The following LRRC38 variants were observed in gnomAD, a reference collection of about 807,000 sequenced individuals.
LRRC38 encodes the protein leucine rich repeat containing 38, also known as leucine-rich repeat-containing protein 38.
Under a neutral mutation model 16.4 loss-of-function variants are expected in LRRC38, and 5 were observed. The observed-to-expected ratio is 0.31, with a 90% CI of 0.16 to 0.64. The LOEUF is 0.64. Among genes scored for constraint, LRRC38 ranks in the 30% least tolerant of loss-of-function variants. The pLI is 0.80. For synonymous variants in LRRC38, 191 were observed against 190.2 expected (o/e 1.00, Z -0.04); for missense variants, 341 against 401.8 (o/e 0.85, Z 1.29).
intron 1 of LRRC38, among the ~76,000 whole-genome samples, chr1:13,500,254 CAA>C (rs33912498): frequency 0.69 from 93,531 of 136,284 alleles, 31,093 homozygotes; most frequent in Middle Eastern, 0.8. Flanking sequence ...GACTCTGTCT[CAA>C]AAAAAAAAAA....
intron 1 of LRRC38, among the ~76,000 whole-genome samples, chr1:13,504,471 G>A (rs547639314): frequency 8.6e-5 from 13 of 151,906 alleles, no homozygotes; most frequent in East Asian, 3.9e-4. Context: ...CTGTAATCCC[G>A]GCACTTTGGG....
chr1:13,498,356 G>A (rs1639107889), intron 1 of LRRC38, among the ~76,000 whole-genome samples: 1 of 152,216 alleles, frequency 6.6e-6, no homozygotes, highest in Non-Finnish European at 1.5e-5. Flanking sequence ...GAGAGGCCAG[G>A]CACAGTGGCT....
chr1:13,501,713 C>T (rs1305918458), intron 1 of LRRC38, among the ~76,000 whole-genome samples: 2 of 150,036 alleles, frequency 1.3e-5, no homozygotes, highest in East Asian at 3.9e-4. Flanking sequence ...CCTGCCTCAG[C>T]CTCCCTAGCA....
chr1:13,513,215 C>G lies in LRRC38; in HGVS notation c.379G>C (p.Ala127Pro), dbSNP rs894243359. The change falls in exon 1 of 2, where the codon GCC becomes CCC. Residue 127 changes from alanine (A) to proline (P), a missense_variant. Transcript: ENST00000376085. ...TQLGAGAFRS[A>P]GRLVKLSLAN... ...AGGCTAAGCTTCACCAGCCTCCCGG[C>G]CGAGCGGAAGGCGCCGGCGCCCAGC... 6.5e-7 allele frequency: 1 copy of G among 1,550,358 alleles called. No homozygotes were observed. The highest frequency in any genetic ancestry group is 1.4e-5 in the African/African-American group (1 of 73,030).
intron 1 of LRRC38, among the ~76,000 whole-genome samples, chr1:13,479,964 C>T (rs912452304): frequency 2.0e-5 from 3 of 152,170 alleles, no homozygotes; most frequent in East Asian, 1.9e-4. Context: ...ACATAGGGGC[C>T]GTCCTGTGTC....
At chr1:13,490,700 C>A (rs911090411) in intron 1 of LRRC38, among the ~76,000 whole-genome samples, 8 of 151,964 alleles carry the variant, frequency 5.3e-5, no homozygotes, top group Admixed American at 3.3e-4. Flanking sequence ...TTAGAGAGAA[C>A]CTTCTGGTTA....
chr1:13,492,961 A>G (rs1639034950), intron 1 of LRRC38, among the ~76,000 whole-genome samples: 1 of 152,004 alleles, frequency 6.6e-6, no homozygotes, highest in South Asian at 2.1e-4. Context: ...CGCTCTTGGG[A>G]GTTCCCTGGG....
chr1:13,485,348 C>T (rs982248421), intron 1 of LRRC38, among the ~76,000 whole-genome samples: 15 of 150,334 alleles, frequency 1.0e-4, no homozygotes, highest in Admixed American at 4.6e-4. Context: ...GAGGCCGAGG[C>T]GGACAGATCA....
At chr1:13,482,868 C>A (rs1638886764) in intron 1 of LRRC38, among the ~76,000 whole-genome samples, 1 of 152,190 alleles carries the variant, frequency 6.6e-6, no homozygotes, top group Non-Finnish European at 1.5e-5. Context: ...AACATACTAG[C>A]CTTGTTTATT....
chr1:13,496,867 G>A lies in LRRC38; in HGVS notation c.631+16096C>T, dbSNP rs948182374. Among the ~76,000 whole-genome samples, 3 of 152,180 alleles carry A rather than the reference G, an allele frequency of 2.0e-5. No individual in the cohort carries two copies. In the East Asian group the frequency reaches 5.8e-4, roughly 29 times the overall value. On this transcript the variant is annotated intron_variant, in intron 1 of 1. Coordinates refer to ENST00000376085, the MANE Select transcript of LRRC38 (RefSeq NM_001010847.2). ...GAAGGAGAGCCAGAGGTGGTGGGGTGCAGGGTTCAATGGGGCTGCGGCCCA... is the reference window on the plus strand; with the variant it reads ...GAAGGAGAGCCAGAGGTGGTGGGGTACAGGGTTCAATGGGGCTGCGGCCCA...
chr1:13,481,811 CT>C (rs1638873440), intron 1 of LRRC38, among the ~76,000 whole-genome samples: 3 of 141,012 alleles, frequency 2.1e-5, no homozygotes, highest in Non-Finnish European at 4.7e-5. Context: ...CTCTCTCTCT[CT>C]CTCTCTCTCT....
rs371660514 is a variant in LRRC38, at chr1:13,498,296, A to G, written c.631+14667T>C. Among the ~76,000 whole-genome samples, 8 of 152,138 alleles carry G rather than the reference A, an allele frequency of 5.3e-5. No individual in the cohort carries two copies. The East Asian group carries it at 7.7e-4, about 15-fold the overall frequency. On this transcript the variant is annotated intron_variant, in intron 1 of 1. Coordinates refer to ENST00000376085, the MANE Select transcript of LRRC38 (RefSeq NM_001010847.2). Reference sequence around the variant, plus strand: ...TGTGTTTTAGCGCTTATTTCCCCACACGCAAACCAAGGAAAGCAATGTATT... The same window carrying G: ...TGTGTTTTAGCGCTTATTTCCCCACGCGCAAACCAAGGAAAGCAATGTATT...
intron 1 of LRRC38, among the ~76,000 whole-genome samples, chr1:13,478,931 C>G (rs1310120054): frequency 1.3e-5 from 2 of 152,116 alleles, no homozygotes; most frequent in African/African-American, 4.8e-5. Flanking sequence ...ACTCTGCATT[C>G]CCTCCTCTCC....
chr1:13,513,129 C>T lies in LRRC38; in HGVS notation c.465G>A (p.Gln155=). 3 of 1,550,502 alleles carry T rather than the reference C, an allele frequency of 1.9e-6. No homozygotes were observed. Among genetic ancestry groups the T allele is most frequent in the Middle Eastern group, 1.7e-4 (1 of 5,990 alleles). The change falls in exon 1 of 2, where the codon CAG becomes CAA. Residue 155 remains glutamine, a synonymous_variant. Coordinates refer to ENST00000376085, the MANE Select transcript of LRRC38 (RefSeq NM_001010847.2). The part of the protein sequence containing the change: ...EDAFETLESL[Q]VLELNDNNLR... Reference sequence around the variant, plus strand: ...GGTTGTTGTCGTTGAGCTCCAGCACCTGCAGCGACTCCAGGGTCTCGAAGG... The same window carrying T: ...GGTTGTTGTCGTTGAGCTCCAGCACTTGCAGCGACTCCAGGGTCTCGAAGG...
chr1:13,477,600 G>C (rs913303384), intron 1 of LRRC38, among the ~76,000 whole-genome samples: 6 of 152,084 alleles, frequency 3.9e-5, no homozygotes, highest in African/African-American at 1.2e-4. Flanking sequence ...CACCTTGGGA[G>C]GCCAAGATGA....
At chr1:13,482,448 C>T (rs528860918) in intron 1 of LRRC38, among the ~76,000 whole-genome samples, 9 of 152,070 alleles carry the variant, frequency 5.9e-5, no homozygotes, top group South Asian at 4.2e-4. Context: ...GGTGTGGTGG[C>T]GCACGCCTCT....
chr1:13,481,788 C>CT (rs1638871506), intron 1 of LRRC38, among the ~76,000 whole-genome samples: 51 of 34,472 alleles, frequency 1.5e-3, no homozygotes, highest in East Asian at 0.013. Flanking sequence ...TCCCTCTCTC[C>CT]CTCTCTCTCT....
chr1:13,484,866 C>T (rs920008423), intron 1 of LRRC38, among the ~76,000 whole-genome samples: 2 of 152,206 alleles, frequency 1.3e-5, no homozygotes, highest in African/African-American at 4.8e-5. Flanking sequence ...GCAAACTGAA[C>T]AATTATGTTA....
At chr1:13,499,816 C>T (rs1464607660) in intron 1 of LRRC38, among the ~76,000 whole-genome samples, 1 of 152,150 alleles carries the variant, frequency 6.6e-6, no homozygotes, top group Admixed American at 6.5e-5. Context: ...CGGGAGGTTG[C>T]TCGCAGTAGG....
Sources: gnomAD v4.1 joint callset for allele counts (sites outside exome capture counted in the v4.1 genomes callset) on GRCh38, gnomAD v4.1.1 for gene constraint, MANE v1.5 for transcripts, NCBI Gene and HGNC (gene_info 2026-07-23, HGNC 2026-07-21) for gene names.